The following PPP1R42 variants were observed in gnomAD, a reference collection of about 807,000 sequenced individuals.
PPP1R42 encodes protein phosphatase 1 regulatory subunit 42, also known as leucine rich repeat containing 67.
Under a neutral mutation model 31.0 loss-of-function variants are expected in PPP1R42, and 34 were observed. That is an observed-to-expected ratio of 1.10 (90% confidence interval 0.83 to 1.46). PPP1R42 has a LOEUF of 1.46. Ranked by LOEUF, PPP1R42 falls within the 40% of genes most tolerant of loss-of-function variation. The probability of loss-of-function intolerance (pLI) is 0.00; values close to 1 mark genes in which losing one functional copy is unlikely to be tolerated. For synonymous variants in PPP1R42, 103 were observed against 109.8 expected, an observed-to-expected ratio of 0.94 and a Z score of 0.39; for missense variants, 268 against 303.0, an observed-to-expected ratio of 0.88 and a Z score of 0.86.
chr8:67,007,100 AC>A (rs1815710349), intron 5 of PPP1R42, among the ~76,000 whole-genome samples: 1 of 150,314 alleles, frequency 6.7e-6, no homozygotes, highest in African/African-American at 2.5e-5. Context: ...CTGGTCTCAA[AC>A]CCCTGACCTC....
At chr8:66,985,781 T>C (rs1297603068) in intron 6 of PPP1R42, 2 of 1,231,862 alleles carry the variant, frequency 1.6e-6, no homozygotes, top group Non-Finnish European at 2.4e-6. Flanking sequence ...ATTTGCCATT[T>C]TGCTGCGTCC....
At chr8:67,007,055 T>C (rs1815709108) in intron 5 of PPP1R42, among the ~76,000 whole-genome samples, 1 of 151,930 alleles carries the variant, frequency 6.6e-6, no homozygotes, top group African/African-American at 2.4e-5. Flanking sequence ...TTTTTTTTTT[T>C]TTAGTAGAGA....
At chr8:66,993,837 G>GATGA (rs140471052) in intron 5 of PPP1R42, among the ~76,000 whole-genome samples, 12,276 of 151,870 alleles carry the variant, frequency 0.081, 984 homozygotes, top group African/African-American at 0.21. Context: ...ATGTATGAGA[G>GATGA]ATGAATGAAT....
At chr8:66,988,120 A>C in intron 6 of PPP1R42, 1 of 1,042,168 alleles carries the variant, frequency 9.6e-7, no homozygotes, top group Non-Finnish European at 1.2e-6. Context: ...AAGGTCAGCA[A>C]GTTCTACACA....
intron 7 of PPP1R42, among the ~76,000 whole-genome samples, chr8:66,970,151 G>C (rs2130911205): frequency 6.6e-6 from 1 of 152,170 alleles, no homozygotes; most frequent in East Asian, 1.9e-4. Context: ...AATTTATTGA[G>C]ATGGGGTCCC....
chr8:66,985,823 T>G lies in PPP1R42; in HGVS notation c.670+2577A>C, dbSNP rs554521765. 5.7e-6 allele frequency: 7 copies of G among 1,237,918 alleles called. No homozygotes were observed. In the South Asian group the frequency reaches 9.1e-5, roughly 16 times the overall value. 76.7% of individuals were successfully genotyped at this position (1,237,918 alleles called of 1,614,324 possible). A position where few individuals can be genotyped will look rare whatever the true frequency, so the allele number is the denominator to read the frequency against. On this transcript the variant is annotated intron_variant, in intron 6 of 7. Coordinates refer to ENST00000685739, the MANE Select transcript of PPP1R42 (RefSeq NM_001364910.1). ...TGTTTGATGTGGAGCTTAGTCAGCATGCCAGGACTCTGATGGAGGCCCAGG... is the reference window on the plus strand; with the variant it reads ...TGTTTGATGTGGAGCTTAGTCAGCAGGCCAGGACTCTGATGGAGGCCCAGG...
chr8:67,011,986 T>A (rs894719527), intron 4 of PPP1R42, among the ~76,000 whole-genome samples: 1 of 152,172 alleles, frequency 6.6e-6, no homozygotes, highest in African/African-American at 2.4e-5. Flanking sequence ...ATAAAACTGA[T>A]GAGGCCGGGC....
intron 5 of PPP1R42, among the ~76,000 whole-genome samples, chr8:66,996,664 G>A (rs1179902317): frequency 3.3e-5 from 5 of 152,062 alleles, no homozygotes; most frequent in South Asian, 2.1e-4. Context: ...TTTATGGGTC[G>A]TGCTTTTTGC....
intron 5 of PPP1R42, among the ~76,000 whole-genome samples, chr8:67,005,299 C>T (rs1225856761): frequency 3.3e-5 from 5 of 151,998 alleles, no homozygotes; most frequent in Non-Finnish European, 5.9e-5. Flanking sequence ...TGGCCACTCC[C>T]TCTTTCTTGA....
At chr8:66,971,044 ACAGGGTATCTCTGTATTT>A in intron 7 of PPP1R42, 1 of 1,532,738 alleles carries the variant, frequency 6.5e-7, no homozygotes. Flanking sequence ...ATTTGCATTT[ACAGGGTATCTCTGTATTT>A]CAGAGAAAAA....
intron 5 of PPP1R42, among the ~76,000 whole-genome samples, chr8:66,995,855 C>T (rs1233123794): frequency 6.6e-6 from 1 of 152,182 alleles, no homozygotes; most frequent in African/African-American, 2.4e-5. Flanking sequence ...TTTCTACACA[C>T]ATTTATGTCC....
chr8:67,004,126 A>G (rs985057568), intron 5 of PPP1R42, among the ~76,000 whole-genome samples: 1 of 151,320 alleles, frequency 6.6e-6, no homozygotes, highest in Non-Finnish European at 1.5e-5. Context: ...TTAGGAAGTG[A>G]CTAATTTATG....
intron 5 of PPP1R42, among the ~76,000 whole-genome samples, chr8:66,996,874 G>T (rs751717875): frequency 9.2e-5 from 14 of 152,102 alleles, no homozygotes; most frequent in Admixed American, 2.0e-4. Flanking sequence ...ATTTTTGGCT[G>T]GGCACGGTGG....
chr8:67,003,157 A>C lies in PPP1R42; in HGVS notation c.552+7558T>G, dbSNP rs1223844175. Among the ~76,000 whole-genome samples the C allele has an allele frequency of 3.0e-5, 4 of 135,446 alleles. No individual in the cohort carries two copies. In the East Asian group the frequency reaches 8.3e-4, roughly 28 times the overall value. The allele number at this position is 135,446 out of a possible 152,430, so 88.9% of individuals were successfully genotyped here. A position where few individuals can be genotyped will look rare whatever the true frequency, so the allele number is the denominator to read the frequency against. ...CTTCAGCCTGGGCAACAAGAGCGAA[A>C]CTCCGTCTCAAAAAAAAAAAAAAAA... On this transcript the variant is annotated intron_variant, in intron 5 of 7. Coordinates refer to ENST00000685739, the MANE Select transcript of PPP1R42 (RefSeq NM_001364910.1).
intron 1 of PPP1R42, 38 bp from the exon 2 acceptor site, chr8:67,017,869 A>C (rs1816064200): frequency 1.9e-6 from 2 of 1,060,372 alleles, no homozygotes; most frequent in South Asian, 6.6e-5. Flanking sequence ...ATGATATCAT[A>C]GCAATTTAAG....
chr8:66,977,366 C>T (rs1170026125), intron 7 of PPP1R42, among the ~76,000 whole-genome samples: 2 of 145,642 alleles, frequency 1.4e-5, no homozygotes, highest in African/African-American at 2.5e-5. Context: ...GAGACAGGGT[C>T]TTGCTCTGTT....
At chr8:66,987,889 C>T (rs959561085) in intron 6 of PPP1R42, among the ~76,000 whole-genome samples, 3 of 152,136 alleles carry the variant, frequency 2.0e-5, no homozygotes, top group African/African-American at 7.2e-5. Flanking sequence ...TTGTCCATTT[C>T]CCCCAGTATG....
intron 6 of PPP1R42, chr8:66,985,490 A>G (rs1814981045): frequency 9.2e-7 from 1 of 1,085,712 alleles, no homozygotes; most frequent in South Asian, 1.3e-5. Context: ...TGGTCTTTTA[A>G]CTCCCCCTTT....
In PPP1R42 at chr8:67,012,989, A is replaced by G. The variant is rs1484287175; in HGVS notation, c.404T>C (p.Leu135Pro). 6.2e-7 allele frequency: 1 copy of G among 1,611,492 alleles called. No homozygotes were observed. The highest frequency in any genetic ancestry group is 1.7e-5 in the Admixed American group (1 of 59,438). ...AGAATGAAGAGTTCTTGGATCAAAC[A>G]GAAGCTTTTCCCCAAGGGGAAGCCT... ...NQRLPLGEKL[L>P]FDPRTLHSLA... The change falls in exon 4 of 8, where the codon CTG becomes CCG. Residue 135 changes from leucine to proline, a missense_variant. By Grantham distance (98) the Leu-to-Pro change is moderately conservative. Coordinates refer to ENST00000685739, the MANE Select transcript of PPP1R42 (RefSeq NM_001364910.1).
Sources: allele counts gnomAD v4.1 joint callset (sites outside exome capture counted in the v4.1 genomes callset), GRCh38; gene constraint gnomAD v4.1.1; transcripts MANE v1.5; gene names NCBI Gene and HGNC (gene_info 2026-07-23, HGNC 2026-07-21).